The following ACBD6 variants were observed in gnomAD, a reference collection of about 807,000 sequenced individuals.
ACBD6 encodes acyl-CoA-binding domain-containing protein 6.
A neutral mutation model predicts 37.2 loss-of-function variants in ACBD6; 28 were observed. The observed-to-expected ratio is 0.75, with a 90% confidence interval of 0.56 to 1.03. The LOEUF (loss-of-function observed/expected upper bound fraction) is 1.03. Ranked by LOEUF, ACBD6 falls within the 50% of genes least tolerant of loss-of-function variation. The probability of loss-of-function intolerance (pLI) is 0.00; values close to 1 mark genes in which losing one functional copy is unlikely to be tolerated. For synonymous variants in ACBD6, 113 were observed against 126.8 expected (o/e 0.89, Z 0.73); for missense variants, 340 against 337.4 (o/e 1.01, Z -0.06).
At chr1:180,269,870 G>A (rs1648531003) in exon 14 of ACBD6, 1 of 151,566 alleles carries the variant, frequency 6.6e-6, no homozygotes, top group South Asian at 2.1e-4. Flanking sequence ...TCTGTGGCAG[G>A]GGCTCCGGAA....
In ACBD6 at chr1:180,331,208, G is replaced by C. The variant is rs75839089; in HGVS notation, c.664-16486C>G. Among the ~76,000 whole-genome samples, 624 of 152,270 alleles carry C rather than the reference G, an allele frequency of 4.1e-3. 4 individuals carry two copies. The highest frequency in any genetic ancestry group is 0.014 in the African/African-American group (587 of 41,562). On this transcript the variant is annotated intron_variant, in intron 6 of 7. Coordinates refer to ENST00000367595, the MANE Select transcript of ACBD6 (RefSeq NM_032360.4). ...TACAAGTAACTCAGGACATTCCAAA[G>C]TACAGTGTCCCCATCAGGTATTTAT...
At chr1:180,338,819 CA>C (rs1401364236) in intron 6 of ACBD6, among the ~76,000 whole-genome samples, 7 of 152,066 alleles carry the variant, frequency 4.6e-5, no homozygotes, top group Non-Finnish European at 4.4e-5. Context: ...ACAAAGAACT[CA>C]AACAAATTTA....
At chr1:180,365,577 TA>T (rs1437760849) in intron 6 of ACBD6, among the ~76,000 whole-genome samples, 1 of 152,234 alleles carries the variant, frequency 6.6e-6, no homozygotes, top group African/African-American at 2.4e-5. Context: ...TACATCCTAA[TA>T]ATTGCTATGT....
At chr1:180,470,105 C>G (rs10494529) in intron 3 of ACBD6, among the ~76,000 whole-genome samples, 14,055 of 152,148 alleles carry the variant, frequency 0.092, 868 homozygotes, top group African/African-American at 0.16. Context: ...ATTGTTGGTT[C>G]ATTTTTCCAA....
chr1:180,272,003 C>T (rs747140246), intron 13 of ACBD6: 11 of 1,611,868 alleles, frequency 6.8e-6, no homozygotes, highest in Non-Finnish European at 9.3e-6. Context: ...GCTGAGCTTC[C>T]GAGGTGAGCA....
chr1:180,314,313 C>T (rs531768832), intron 7 of ACBD6, among the ~76,000 whole-genome samples: 52 of 152,198 alleles, frequency 3.4e-4, no homozygotes, highest in Middle Eastern at 3.4e-3. Flanking sequence ...GGTGCAATCT[C>T]GGTTCACTGC....
intron 4 of ACBD6, among the ~76,000 whole-genome samples, chr1:180,426,100 T>C (rs1648571386): frequency 6.6e-6 from 1 of 152,194 alleles, no homozygotes; most frequent in Non-Finnish European, 1.5e-5. Context: ...AAACACTTCA[T>C]TTGTCTCACA....
At chr1:180,403,095 A>G (rs990243954) in intron 5 of ACBD6, among the ~76,000 whole-genome samples, 1 of 152,218 alleles carries the variant, frequency 6.6e-6, no homozygotes, top group Non-Finnish European at 1.5e-5. Flanking sequence ...AGAGGAGTAC[A>G]TATGTATAAT....
intron 6 of ACBD6, among the ~76,000 whole-genome samples, chr1:180,320,453 T>A (rs1346446386): frequency 6.6e-6 from 1 of 151,936 alleles, no homozygotes; most frequent in Non-Finnish European, 1.5e-5. Flanking sequence ...CTGGCCAACA[T>A]GGCGAAACCC....
intron 6 of ACBD6, among the ~76,000 whole-genome samples, chr1:180,332,655 G>A (rs577788663): frequency 1.3e-5 from 2 of 151,634 alleles, no homozygotes; most frequent in South Asian, 4.2e-4. Flanking sequence ...ACAAGCTCAG[G>A]GCTTCCACTG....
intron 4 of ACBD6, among the ~76,000 whole-genome samples, chr1:180,418,268 T>C (rs1237863120): frequency 6.6e-6 from 1 of 152,122 alleles, no homozygotes; most frequent in Non-Finnish European, 1.5e-5. Flanking sequence ...CAAAGGTGTT[T>C]AGTGAAGCTC....
At chr1:180,480,559 A>G (rs1202110864) in intron 3 of ACBD6, among the ~76,000 whole-genome samples, 1 of 152,204 alleles carries the variant, frequency 6.6e-6, no homozygotes, top group African/African-American at 2.4e-5. Flanking sequence ...TCTATTTTAG[A>G]CCTGTTGAGT....
At chr1:180,488,169 A>G (rs965683428) in intron 3 of ACBD6, among the ~76,000 whole-genome samples, 14 of 152,138 alleles carry the variant, frequency 9.2e-5, no homozygotes, top group Admixed American at 9.2e-4. Flanking sequence ...TAAAGCAAAT[A>G]TAACCAGCAG....
chr1:180,493,549 ATCTT>A (rs1433089807), intron 2 of ACBD6, among the ~76,000 whole-genome samples: 3 of 152,142 alleles, frequency 2.0e-5, no homozygotes, highest in Non-Finnish European at 4.4e-5. Flanking sequence ...TGAATATAAT[ATCTT>A]TCTGAGGTTT....
At chr1:180,403,242 T>C (rs6680754) in intron 5 of ACBD6, among the ~76,000 whole-genome samples, 145,400 of 152,246 alleles carry the variant, frequency 0.96, 69,495 homozygotes, top group African/African-American at 0.99. Flanking sequence ...GCGACAGCAA[T>C]GTTCTATATC....
intron 6 of ACBD6, among the ~76,000 whole-genome samples, chr1:180,378,004 C>G (rs1018163160): frequency 1.3e-5 from 2 of 150,972 alleles, no homozygotes; most frequent in African/African-American, 4.9e-5. Flanking sequence ...TGAGGAGAAA[C>G]AGGATTTGCA....
intron 3 of ACBD6, among the ~76,000 whole-genome samples, chr1:180,483,640 G>A (rs556510782): frequency 3.3e-5 from 5 of 152,026 alleles, no homozygotes; most frequent in Non-Finnish European, 7.4e-5. Context: ...TTTATATTTG[G>A]TTCAATATAA....
At chr1:180,497,778 T>C (rs1651795533) in intron 1 of ACBD6, among the ~76,000 whole-genome samples, 1 of 152,202 alleles carries the variant, frequency 6.6e-6, no homozygotes, top group Non-Finnish European at 1.5e-5. Flanking sequence ...CTGCATCCAG[T>C]CTACTGCAAT....
chr1:180,421,159 T>C (rs1161306722), intron 4 of ACBD6, among the ~76,000 whole-genome samples: 1 of 152,166 alleles, frequency 6.6e-6, no homozygotes, highest in Non-Finnish European at 1.5e-5. Flanking sequence ...TTCCACCTGA[T>C]GCTCTCCCTC....
Sources: allele counts gnomAD v4.1 joint callset (sites outside exome capture counted in the v4.1 genomes callset), GRCh38; gene constraint gnomAD v4.1.1; transcripts MANE v1.5; gene names NCBI Gene and HGNC (gene_info 2026-07-23, HGNC 2026-07-21).